The following GRM7 variants were observed in gnomAD, a reference collection of about 807,000 sequenced individuals.
The protein encoded by GRM7 is glutamate metabotropic receptor 7.
Under a neutral mutation model 84.5 loss-of-function variants are expected in GRM7, and 35 were observed. That is an observed-to-expected ratio of 0.41 (90% CI 0.32 to 0.55). The LOEUF (loss-of-function observed/expected upper bound fraction) is 0.55, where lower values mean the gene tolerates loss of function less well. Among genes scored for constraint, GRM7 ranks in the 20% least tolerant of loss-of-function variants. The pLI is 0.19. For synonymous variants in GRM7, 487 were observed against 455.1 expected (o/e 1.07, Z -0.89); for missense variants, 1,003 against 1,194.6 (o/e 0.84, Z 2.36).
chr3:7,024,673 T>A (rs1695912773), intron 1 of GRM7, among the ~76,000 whole-genome samples: 1 of 152,170 alleles, frequency 6.6e-6, no homozygotes, highest in Admixed American at 6.5e-5. Context: ...GACTAGGGTG[T>A]ATGGGACAGC....
chr3:7,000,772 G>A (rs764794909), intron 1 of GRM7, among the ~76,000 whole-genome samples: 16 of 152,150 alleles, frequency 1.1e-4, no homozygotes, highest in Non-Finnish European at 2.1e-4. Flanking sequence ...CATTACTTTG[G>A]AATGGGGAAA....
chr3:7,393,193 C>T (rs571771302), intron 4 of GRM7, among the ~76,000 whole-genome samples: 25 of 152,250 alleles, frequency 1.6e-4, no homozygotes, highest in African/African-American at 6.0e-4. Context: ...TGTCTCTCCT[C>T]GGGGCAGTGC....
At chr3:6,920,349 G>A (rs944297705) in intron 1 of GRM7, among the ~76,000 whole-genome samples, 1 of 152,142 alleles carries the variant, frequency 6.6e-6, no homozygotes. Context: ...GAGGTCATGA[G>A]TTCAAGACCA....
chr3:7,320,411 A>G (rs1700733899), intron 4 of GRM7, among the ~76,000 whole-genome samples: 1 of 152,020 alleles, frequency 6.6e-6, no homozygotes, highest in Admixed American at 6.6e-5. Context: ...TGATTGGACA[A>G]AGGGGGTATG....
chr3:7,097,409 T>C (rs1455974000), intron 1 of GRM7, among the ~76,000 whole-genome samples: 1 of 152,130 alleles, frequency 6.6e-6, no homozygotes, highest in African/African-American at 2.4e-5. Flanking sequence ...AGTAGGTGTA[T>C]TGATTATAAA....
At chr3:7,576,449 T>C (rs1439944716) in intron 7 of GRM7, among the ~76,000 whole-genome samples, 2 of 152,250 alleles carry the variant, frequency 1.3e-5, no homozygotes, top group Non-Finnish European at 2.9e-5. Context: ...CAAGTTTAAC[T>C]CCTGAGCCAT....
intron 2 of GRM7, among the ~76,000 whole-genome samples, chr3:7,216,497 G>T (rs1006640261): frequency 2.2e-4 from 33 of 152,118 alleles, no homozygotes; most frequent in Admixed American, 1.9e-3. Context: ...ATGGTGATTT[G>T]ACATCAGCTG....
chr3:7,345,315 C>T (rs1221034309), intron 4 of GRM7, among the ~76,000 whole-genome samples: 1 of 151,316 alleles, frequency 6.6e-6, no homozygotes, highest in Non-Finnish European at 1.5e-5. Context: ...CACTCTGTCA[C>T]CCAGGCTGGA....
chr3:7,146,763 C>G, intron 2 of GRM7, 95 bp downstream of exon 2: 1 of 801,874 alleles, frequency 1.2e-6, no homozygotes, highest in South Asian at 1.6e-5. Flanking sequence ...ACTACAGACT[C>G]TTACATTCCC....
intron 7 of GRM7, among the ~76,000 whole-genome samples, chr3:7,518,219 C>G (rs947793773): frequency 1.3e-5 from 2 of 152,162 alleles, no homozygotes; most frequent in African/African-American, 4.8e-5. Context: ...GCTTCAATGT[C>G]TTCAACTAGG....
At chr3:6,881,607 A>C (rs1459918819) in intron 1 of GRM7, among the ~76,000 whole-genome samples, 1 of 149,898 alleles carries the variant, frequency 6.7e-6, no homozygotes, top group Non-Finnish European at 1.5e-5. Context: ...GAAAAAAAAA[A>C]CCTCATTAAA....
chr3:6,970,541 G>C (rs1003417861), intron 1 of GRM7, among the ~76,000 whole-genome samples: 1 of 152,190 alleles, frequency 6.6e-6, no homozygotes, highest in African/African-American at 2.4e-5. Context: ...CTATGGTAAG[G>C]ACTTGGGTTT....
In GRM7 at chr3:7,356,297, A is replaced by ATTTTTT. The variant is rs1011380269; in HGVS notation, c.1033+49653_1033+49658dup. Among the ~76,000 whole-genome samples the ATTTTTT allele has an allele frequency of 1.4e-3, 205 of 148,972 alleles. 3 individuals carry two copies. The highest frequency in any genetic ancestry group is 4.7e-3 in the African/African-American group (191 of 40,616). On this transcript the variant is annotated intron_variant, in intron 4 of 9. Transcript: ENST00000357716. Reference sequence around the variant, plus strand: ...CAAAAGGTGACATCAGCAGAGGAGGATTTTTTTTTTTTTATTTTTTTTGAG... The same window carrying ATTTTTT: ...CAAAAGGTGACATCAGCAGAGGAGGATTTTTTTTTTTTTTTTTTTATTTTTTTTGAG...
intron 5 of GRM7, among the ~76,000 whole-genome samples, chr3:7,437,498 G>C (rs935349160): frequency 6.6e-6 from 1 of 152,122 alleles, no homozygotes; most frequent in African/African-American, 2.4e-5. Flanking sequence ...TTTTTAGATA[G>C]TACTAACTAG....
chr3:7,665,206 C>G (rs931648259), intron 8 of GRM7, among the ~76,000 whole-genome samples: 1 of 134,294 alleles, frequency 7.4e-6, no homozygotes, highest in Non-Finnish European at 1.5e-5. Flanking sequence ...GAGTCTCACT[C>G]TGTGGCCCAG....
intron 1 of GRM7, among the ~76,000 whole-genome samples, chr3:7,109,511 C>T (rs1692770980): frequency 6.6e-6 from 1 of 152,074 alleles, no homozygotes; most frequent in African/African-American, 2.4e-5. Context: ...CATGTGATAC[C>T]TGCAGGAAAA....
intron 1 of GRM7, among the ~76,000 whole-genome samples, chr3:6,978,845 C>T (rs990933186): frequency 1.3e-5 from 2 of 152,024 alleles, no homozygotes; most frequent in African/African-American, 2.4e-5. Context: ...AGGCAGACTT[C>T]CAAATACTTC....
At chr3:7,527,772 C>T (rs1208664542) in intron 7 of GRM7, among the ~76,000 whole-genome samples, 1 of 151,916 alleles carries the variant, frequency 6.6e-6, no homozygotes, top group African/African-American at 2.4e-5. Context: ...TTTTCTGTGC[C>T]TATTGAGATG....
chr3:7,066,546 AC>A (rs1244351558), intron 1 of GRM7, among the ~76,000 whole-genome samples: 1 of 151,910 alleles, frequency 6.6e-6, no homozygotes, highest in Admixed American at 6.6e-5. Context: ...ATTACCAACA[AC>A]AAAAAAAGTC....
Sources: allele counts gnomAD v4.1 joint callset (sites outside exome capture counted in the v4.1 genomes callset), GRCh38; gene constraint gnomAD v4.1.1; transcripts MANE v1.5; gene names NCBI Gene and HGNC (gene_info 2026-07-23, HGNC 2026-07-21).